Variants in INTS6 observed in about 807,000 individuals in gnomAD.
INTS6 encodes the protein integrator complex subunit 6.
Under a neutral mutation model 104.9 loss-of-function variants are expected in INTS6, and 16 were observed. The observed-to-expected ratio is 0.15, with a 90% confidence interval of 0.10 to 0.23. The LOEUF is 0.23. Ranked by LOEUF, INTS6 falls within the 10% of genes least tolerant of loss-of-function variation. The pLI is 1.00. For synonymous variants in INTS6, 324 were observed against 358.7 expected (o/e 0.90, Z 1.09); for missense variants, 584 against 1,062.8 (o/e 0.55, Z 6.26).
At chr13:51,421,342 G>GA (rs1469712388) in intron 4 of INTS6, 33 of 969,564 alleles carry the variant, frequency 3.4e-5, no homozygotes, top group Non-Finnish European at 3.4e-5. Flanking sequence ...TAGCTGAAAG[G>GA]AAAAAAAACA....
chr13:51,372,657 T>C (rs923289932), intron 15 of INTS6, among the ~76,000 whole-genome samples: 5 of 152,198 alleles, frequency 3.3e-5, no homozygotes, highest in Non-Finnish European at 5.9e-5. Flanking sequence ...AACTCATTTA[T>C]CATTTCTTCT....
rs949773452 is a variant in INTS6 at position 51,452,678 on chromosome 13, G to T, written c.-153C>A. ...TCTGGGTCTTTCCTCCGGCTGCGGGGAGTTTCTCCCCCGATAGTTGAGAGG... is the reference window on the plus strand; with the variant it reads ...TCTGGGTCTTTCCTCCGGCTGCGGGTAGTTTCTCCCCCGATAGTTGAGAGG... On this transcript the variant is annotated 5_prime_UTR_variant, in exon 1 of 18. Coordinates refer to ENST00000311234, the MANE Select transcript of INTS6 (RefSeq NM_012141.3). This position sits in a 1 kb window ranked among gnomAD's most constrained non-coding sequence, Gnocchi z 4.2. 18 of 1,412,864 alleles carry T rather than the reference G, an allele frequency of 1.3e-5. No homozygotes were observed. The highest frequency in any genetic ancestry group is 1.7e-5 in the Non-Finnish European group (18 of 1,083,748). 87.5% of individuals were successfully genotyped at this position (1,412,864 alleles called of 1,614,324 possible). A position where few individuals can be genotyped will look rare whatever the true frequency, so the allele number is the denominator to read the frequency against.
chr13:51,409,949 G>A (rs1216139864), intron 4 of INTS6, among the ~76,000 whole-genome samples: 1 of 152,086 alleles, frequency 6.6e-6, no homozygotes, highest in Non-Finnish European at 1.5e-5. Flanking sequence ...AAAATCAACT[G>A]TTTATGTACT....
the INTS6 span, chr13:51,341,474 C>A: frequency 2.1e-6 from 2 of 938,894 alleles, no homozygotes; most frequent in Non-Finnish European, 1.6e-6. Flanking sequence ...TACTCACACT[C>A]ACTCTCTCCA....
intron 4 of INTS6, among the ~76,000 whole-genome samples, chr13:51,421,666 G>C (rs753647915): frequency 1.3e-5 from 2 of 152,052 alleles, no homozygotes; most frequent in South Asian, 2.1e-4. Context: ...GCAGCCTAAG[G>C]GTTATTTACA....
chr13:51,387,537 C>T lies in INTS6; in HGVS notation c.743G>A (p.Gly248Glu). 6.2e-7 allele frequency: 1 copy of T among 1,601,816 alleles called. No individual in the cohort carries two copies. The highest frequency in any genetic ancestry group is 1.1e-5 in the South Asian group (1 of 88,994). Residue 248 changes from glycine to glutamate, a missense_variant, in exon 7 of 18, where the codon GGG becomes GAG. By Grantham distance (98) the Gly-to-Glu change is moderately conservative. Coordinates refer to ENST00000311234, the MANE Select transcript of INTS6 (RefSeq NM_012141.3). Reference sequence around the variant, plus strand: ...AAAAGGCCTTGATATATCTGGCTGCCCATCTATAGCAAAGAAATTAAGACA... The same window carrying T: ...AAAAGGCCTTGATATATCTGGCTGCTCATCTATAGCAAAGAAATTAAGACA... ...AGPDPSPVED[G>E]QPDISRPFGS... is the part of the protein sequence containing the mutation.
At chr13:51,351,302 T>A (rs773377706), downstream of INTS6, among the ~76,000 whole-genome samples, 3 of 152,192 alleles carry the variant, frequency 2.0e-5, no homozygotes, top group Admixed American at 6.5e-5. Flanking sequence ...CACATCCTTG[T>A]CAACACTTGT....
intron 4 of INTS6, among the ~76,000 whole-genome samples, chr13:51,415,679 C>T (rs568705134): frequency 2.0e-5 from 3 of 152,130 alleles, no homozygotes; most frequent in Non-Finnish European, 4.4e-5. Flanking sequence ...ATTGCCCAGT[C>T]TCGGGTATGT....
intron 16 of INTS6, among the ~76,000 whole-genome samples, chr13:51,368,351 C>G (rs1955733494): frequency 6.6e-6 from 1 of 152,090 alleles, no homozygotes; most frequent in Admixed American, 6.6e-5. Context: ...CTATAAACGT[C>G]TGAACTCCAA....
intron 4 of INTS6, among the ~76,000 whole-genome samples, chr13:51,399,323 C>T (rs1015874950): frequency 1.3e-5 from 2 of 152,204 alleles, no homozygotes; most frequent in African/African-American, 4.8e-5. Flanking sequence ...CTTCCTGCCT[C>T]AGCCTCCCAA....
the INTS6 span, chr13:51,341,357 C>T: frequency 1.9e-6 from 3 of 1,575,392 alleles, no homozygotes; most frequent in Admixed American, 1.9e-5. Flanking sequence ...GGTAAGAGGC[C>T]TGCCCACGTG....
Position 51,449,318 on chromosome 13 carries a change from G to A in INTS6, c.339+1707C>T, listed in dbSNP as rs180886082. On this transcript the variant is annotated intron_variant, in intron 3 of 17. Coordinates refer to ENST00000311234, the MANE Select transcript of INTS6 (RefSeq NM_012141.3). ...TCCAGGTTCTTCTCTTGGTCAAAGT[G>A]GTAACAGCACAGGACCACCTTTCCC... 342 of 202,946 alleles carry A rather than the reference G, an allele frequency of 1.7e-3. 1 individual carries two copies. The highest frequency in any genetic ancestry group is 2.3e-3 in the Non-Finnish European group (264 of 114,640). The allele number at this position is 202,946 out of a possible 1,614,324, so 12.6% of individuals were successfully genotyped here. A position where few individuals can be genotyped will look rare whatever the true frequency, so the allele number is the denominator to read the frequency against.
rs1956486483 is a variant in INTS6, at chr13:51,403,594, GAAAAAAAAAAGAAAA to G, written c.430-8126_430-8112del. Among the ~76,000 whole-genome samples, 4 of 63,012 alleles carry G rather than the reference GAAAAAAAAAAGAAAA, an allele frequency of 6.3e-5. No homozygotes were observed. In the South Asian group the frequency reaches 1.7e-3, roughly 27 times the overall value. 41.3% of individuals were successfully genotyped at this position (63,012 alleles called of 152,430 possible). A position where few individuals can be genotyped will look rare whatever the true frequency, so the allele number is the denominator to read the frequency against. On this transcript the variant is annotated intron_variant, in intron 4 of 17. Transcript: ENST00000311234. ...GAGACTCCATTTCAAAAAAAAAAAAGAAAAAAAAAAGAAAAAAAAAAAAAGAAAAAGATTTCCCCT... is the reference window on the plus strand; with the variant it reads ...GAGACTCCATTTCAAAAAAAAAAAAGAAAAAAAAAGAAAAAGATTTCCCCT...
intron 7 of INTS6, among the ~76,000 whole-genome samples, chr13:51,386,770 AT>A (rs200650509): frequency 0.011 from 1,728 of 152,212 alleles, 26 homozygotes; most frequent in East Asian, 0.071. Context: ...TAGAAAAAAA[AT>A]ATGGAAAAAA....
chr13:51,367,279 C>T (rs1359353288), intron 17 of INTS6, among the ~76,000 whole-genome samples: 3 of 151,858 alleles, frequency 2.0e-5, no homozygotes, highest in South Asian at 2.1e-4. Context: ...TCCATTTCCC[C>T]GCCTCCAAAT....
At chr13:51,406,984 T>C (rs751648213) in intron 4 of INTS6, among the ~76,000 whole-genome samples, 2 of 151,774 alleles carry the variant, frequency 1.3e-5, no homozygotes, top group African/African-American at 2.4e-5. Context: ...TTCCTTCCAA[T>C]GTGCCCCTGG....
chr13:51,357,782 AG>A (rs1393508703), downstream of INTS6, among the ~76,000 whole-genome samples: 4 of 152,218 alleles, frequency 2.6e-5, no homozygotes, highest in Middle Eastern at 3.4e-3. Context: ...CACTGGCTTT[AG>A]GATCAGCAGG....
At position 51,383,575 on chromosome 13, in the gene INTS6, G is replaced by T; in HGVS notation, c.1047+14C>A. ...CATTTAAATTTTGGGGTCACTGTAA[G>T]TTGTTCAGCTTACCTGCCAACATGT... is the stretch of plus-strand genomic sequence containing the variant. On this transcript the variant is annotated intron_variant, in intron 8 of 17. Transcript: ENST00000311234. 6.2e-7 allele frequency: 1 copy of T among 1,612,250 alleles called. No individual in the cohort carries two copies. Among genetic ancestry groups the T allele is most frequent in the Non-Finnish European group, 8.5e-7 (1 of 1,179,020 alleles).
the INTS6 span, chr13:51,341,374 CACTT>C: frequency 7.7e-6 from 12 of 1,553,814 alleles, no homozygotes; most frequent in South Asian, 3.6e-5. Context: ...CGTGCACACT[CACTT>C]ACCCTCCTGT....
Sources: gnomAD v4.1 joint callset for allele counts (sites outside exome capture counted in the v4.1 genomes callset) on GRCh38, gnomAD v4.1.1 for gene constraint, Gnocchi (gnomAD v3.1) non-coding constraint, MANE v1.5 for transcripts, NCBI Gene and HGNC (gene_info 2026-07-23, HGNC 2026-07-21) for gene names.